The following SLC37A2 variants were observed in gnomAD, a reference collection of about 807,000 sequenced individuals.
SLC37A2 encodes the protein solute carrier family 37 member 2, also known as glucose-6-phosphate exchanger SLC37A2.
A neutral mutation model predicts 70.7 loss-of-function variants in SLC37A2; 59 were observed. The observed-to-expected ratio is 0.83, with a 90% CI of 0.68 to 1.04. The LOEUF (loss-of-function observed/expected upper bound fraction) is 1.04. Among genes scored for constraint, SLC37A2 ranks in the 50% least tolerant of loss-of-function variants. The pLI is 0.00. For missense variants in SLC37A2, 580 were observed against 658.1 expected (o/e 0.88, Z 1.30); for synonymous variants, 257 against 262.1 (o/e 0.98, Z 0.19).
intron 1 of SLC37A2, among the ~76,000 whole-genome samples, chr11:125,076,048 C>T (rs1949083555): frequency 6.6e-6 from 1 of 152,124 alleles, no homozygotes; most frequent in African/African-American, 2.4e-5. Flanking sequence ...GCGGCCGGGG[C>T]ACAGTGGAAA....
intron 1 of SLC37A2, among the ~76,000 whole-genome samples, chr11:125,073,852 C>A (rs1211704312): frequency 6.6e-6 from 1 of 152,244 alleles, no homozygotes; most frequent in East Asian, 1.9e-4. Flanking sequence ...CTGCGCTTCC[C>A]ACCAAAACCT....
intron 2 of SLC37A2, 102 bp downstream of exon 2, chr11:125,076,940 C>G: frequency 8.9e-7 from 1 of 1,120,332 alleles, no homozygotes; most frequent in Admixed American, 1.9e-5. Context: ...CTGGCAGGCT[C>G]CCACTCTCAG....
chr11:125,067,070 C>G (rs1246253859), intron 1 of SLC37A2, among the ~76,000 whole-genome samples: 1 of 152,138 alleles, frequency 6.6e-6, no homozygotes, highest in Non-Finnish European at 1.5e-5. Flanking sequence ...GCCTCAAACT[C>G]CTGGGCTCAA....
At chr11:125,078,600 G>C (rs1949114238) in intron 4 of SLC37A2, among the ~76,000 whole-genome samples, 2 of 152,194 alleles carry the variant, frequency 1.3e-5, no homozygotes, top group Non-Finnish European at 2.9e-5. Context: ...TGCCCAAGGG[G>C]TGGCATTCAC....
chr11:125,086,124 A>T, intron 17 of SLC37A2, 106 bp downstream of exon 17: 3 of 1,526,848 alleles, frequency 2.0e-6, no homozygotes, highest in Non-Finnish European at 2.7e-6. Context: ...ACCAGCCCAG[A>T]CCTGAGGAGC....
intron 13 of SLC37A2, 41 bp downstream of exon 13, chr11:125,084,914 G>A: frequency 6.2e-7 from 1 of 1,611,914 alleles, no homozygotes; most frequent in Non-Finnish European, 8.5e-7. Flanking sequence ...CAGGGGAAAG[G>A]CACTGCCTTG....
At chr11:125,076,139 C>A (rs982965023) in intron 1 of SLC37A2, among the ~76,000 whole-genome samples, 2 of 152,046 alleles carry the variant, frequency 1.3e-5, no homozygotes, top group African/African-American at 4.8e-5. Flanking sequence ...AGAAAGAGCA[C>A]GTGTGTGAGC....
In SLC37A2 at chr11:125,086,599, C is replaced by T. The variant is rs917165428; in HGVS notation, c.1490+581C>T. On this transcript the variant is annotated intron_variant, in intron 17 of 17. Transcript: ENST00000403796. ...TTCAGAAACCAAGGTCATCTGGCCC[C>T]TCTGCCTGGGGTATGCAGAACAAAA... 1.4e-5 allele frequency: 5 copies of T among 348,798 alleles called. No homozygotes were observed. In the Admixed American group the frequency reaches 1.7e-4, roughly 12 times the overall value. 21.6% of individuals were successfully genotyped at this position (348,798 alleles called of 1,614,324 possible).
At chr11:125,075,235 G>T (rs544875080) in intron 1 of SLC37A2, among the ~76,000 whole-genome samples, 3 of 152,206 alleles carry the variant, frequency 2.0e-5, no homozygotes, top group Non-Finnish European at 4.4e-5. Context: ...TTTGCAGAAG[G>T]CCAGCTGGGC....
Position 125,089,924 on chromosome 11 carries a change from G to C in SLC37A2, c.*1790G>C, listed in dbSNP as rs534601430. On this transcript the variant is annotated 3_prime_UTR_variant, in exon 18 of 18. Transcript: ENST00000403796. ...GGCAGGCAGCTCCACCTGCAGCCCC[G>C]GTGCGGGATCCACTAGGTGAAGCCA... 6.4e-6 allele frequency: 1 copy of C among 155,380 alleles called. No homozygotes were observed. The highest frequency in any genetic ancestry group is 2.4e-5 in the African/African-American group (1 of 41,534). 9.6% of individuals were successfully genotyped at this position (155,380 alleles called of 1,614,324 possible). A position where few individuals can be genotyped will look rare whatever the true frequency, so the allele number is the denominator to read the frequency against.
chr11:125,088,337 G>C lies in SLC37A2; in HGVS notation c.*203G>C, dbSNP rs1334802622. 2 of 613,128 alleles carry C rather than the reference G, an allele frequency of 3.3e-6. No homozygotes were observed. Among genetic ancestry groups the C allele is most frequent in the Non-Finnish European group, 5.7e-6 (2 of 353,736 alleles). 38.0% of individuals were successfully genotyped at this position (613,128 alleles called of 1,614,324 possible). On this transcript the variant is annotated 3_prime_UTR_variant, in exon 18 of 18. Transcript: ENST00000403796. Reference sequence around the variant, plus strand: ...GACTGCCAAGCATGAGGAAATAGAAGATTCAGGGGCCTGAGCTCTGGAAGC... The same window carrying C: ...GACTGCCAAGCATGAGGAAATAGAACATTCAGGGGCCTGAGCTCTGGAAGC...
chr11:125,069,859 G>C (rs749253080), intron 1 of SLC37A2, among the ~76,000 whole-genome samples: 1 of 152,276 alleles, frequency 6.6e-6, no homozygotes, highest in Non-Finnish European at 1.5e-5. Context: ...TTCCTCGTCA[G>C]GATGACAATG....
At chr11:125,087,914 G>A (rs902385237) in intron 17 of SLC37A2, 9 of 557,708 alleles carry the variant, frequency 1.6e-5, no homozygotes, top group Non-Finnish European at 2.5e-5. Flanking sequence ...TTACAGGTGT[G>A]AGCCACCGCG....
chr11:125,085,345 G>C (rs773356916), intron 14 of SLC37A2, 50 bp from the exon 15 acceptor site: 11 of 1,570,892 alleles, frequency 7.0e-6, no homozygotes, highest in Non-Finnish European at 9.6e-6. Flanking sequence ...TCCTGGTTCT[G>C]CTCATGCTGC....
chr11:125,063,361 A>G lies in SLC37A2; in HGVS notation c.-7A>G. Reference sequence around the variant, plus strand: ...GTCGACTCAGCCTTAGGTACCGGTCAGGCAAAATGCGGTCCTCCCTGGCTC... The same window carrying G: ...GTCGACTCAGCCTTAGGTACCGGTCGGGCAAAATGCGGTCCTCCCTGGCTC... On this transcript the variant is annotated 5_prime_UTR_variant, in exon 1 of 18. Coordinates refer to ENST00000403796, the MANE Select transcript of SLC37A2 (RefSeq NM_001145290.2). The surrounding 1 kb of genome is among the most constrained non-coding windows in gnomAD (Gnocchi z 5.4). The G allele has an allele frequency of 6.2e-7, 1 of 1,611,070 alleles. No homozygotes were observed. Among genetic ancestry groups the G allele is most frequent in the Non-Finnish European group, 8.5e-7 (1 of 1,178,908 alleles).
At position 125,085,564 on chromosome 11, in the gene SLC37A2, G is replaced by A. The variant is rs770648993; in HGVS notation, c.1328-13G>A. 22 of 1,613,688 alleles carry A rather than the reference G, an allele frequency of 1.4e-5. No homozygotes were observed. In the East Asian group the frequency reaches 4.7e-4, roughly 34 times the overall value. On this transcript the variant is annotated splice_polypyrimidine_tract_variant and intron_variant, in intron 15 of 17. Transcript: ENST00000403796. ...GTGCAGGACCCCTGCTCACGAGGCT[G>A]TGCTCCATTCAGGTGCGGCTCTGGG...
At chr11:125,066,196 A>G (rs1279332824) in intron 1 of SLC37A2, among the ~76,000 whole-genome samples, 1 of 152,244 alleles carries the variant, frequency 6.6e-6, no homozygotes, top group Non-Finnish European at 1.5e-5. Context: ...TCCAAGAGCA[A>G]TTACTCAGTA....
At chr11:125,072,777 C>T (rs907272495) in intron 1 of SLC37A2, among the ~76,000 whole-genome samples, 7 of 152,210 alleles carry the variant, frequency 4.6e-5, no homozygotes, top group African/African-American at 9.7e-5. Context: ...CTGTGAACCA[C>T]GGCACCTTGA....
chr11:125,070,411 ACT>A (rs1286132109), intron 1 of SLC37A2, among the ~76,000 whole-genome samples: 1 of 151,864 alleles, frequency 6.6e-6, no homozygotes, highest in Non-Finnish European at 1.5e-5. Context: ...TCTTTATAAC[ACT>A]CTCGTGCAGC....
Sources: gnomAD v4.1 joint callset for allele counts (sites outside exome capture counted in the v4.1 genomes callset) on GRCh38, gnomAD v4.1.1 for gene constraint, Gnocchi (gnomAD v3.1) non-coding constraint, MANE v1.5 for transcripts, NCBI Gene and HGNC (gene_info 2026-07-23, HGNC 2026-07-21) for gene names.